MYO5B: variants seen among roughly 807,000 people sequenced by gnomAD.
MYO5B encodes unconventional myosin-Vb.
A neutral mutation model predicts 229.3 loss-of-function variants in MYO5B; 143 were observed. That is an observed-to-expected ratio of 0.62 (90% CI 0.54 to 0.72). MYO5B has a LOEUF of 0.72. Ranked by LOEUF, MYO5B falls within the 30% of genes least tolerant of loss-of-function variation. The probability of loss-of-function intolerance (pLI) is 0.00; values close to 1 mark genes in which losing one functional copy is unlikely to be tolerated. For missense variants in MYO5B, 2,321 were observed against 2,331.0 expected (o/e 1.00, Z 0.09); for synonymous variants, 918 against 885.2 (o/e 1.04, Z -0.66).
rs532898672 is a variant in MYO5B, at chr18:50,095,766, C to G, written c.28-40388G>C. ...AATGACTACAGTGCAGGGAGCCTCACTCATGAACACATCCACCAGAACTTA... is the reference window on the plus strand; with the variant it reads ...AATGACTACAGTGCAGGGAGCCTCAGTCATGAACACATCCACCAGAACTTA... On this transcript the variant is annotated intron_variant, in intron 1 of 39. Transcript: ENST00000285039. Among the ~76,000 whole-genome samples, 13 of 152,374 alleles carry G rather than the reference C, an allele frequency of 8.5e-5. No individual in the cohort carries two copies. The South Asian group carries it at 2.7e-3, about 32-fold the overall frequency.
intron 1 of MYO5B, among the ~76,000 whole-genome samples, chr18:50,118,244 T>C (rs550140104): frequency 2.0e-4 from 31 of 152,172 alleles, no homozygotes; most frequent in Non-Finnish European, 3.7e-4. Flanking sequence ...CAAACTAGGA[T>C]GGTTGGTCAC....
chr18:49,891,165 C>A (rs1271110512), intron 22 of MYO5B, among the ~76,000 whole-genome samples: 1 of 152,152 alleles, frequency 6.6e-6, no homozygotes, highest in African/African-American at 2.4e-5. Context: ...GTCCTCACAC[C>A]CACCCAGCCT....
intron 2 of MYO5B, among the ~76,000 whole-genome samples, chr18:50,053,339 G>A (rs1325409742): frequency 6.6e-6 from 1 of 152,212 alleles, no homozygotes; most frequent in Middle Eastern, 3.2e-3. Flanking sequence ...AGTTAGTCAT[G>A]CAGGGCCAAA....
chr18:49,880,414 A>G lies in MYO5B; in HGVS notation c.3087T>C (p.Asp1029=), dbSNP rs1391700722. 2 of 1,613,986 alleles carry G rather than the reference A, an allele frequency of 1.2e-6. No homozygotes were observed. Among genetic ancestry groups the G allele is most frequent in the Admixed American group, 3.3e-5 (2 of 60,000 alleles). The change falls in exon 23 of 40, where the codon GAT becomes GAC. Residue 1029 remains aspartate, a synonymous_variant. Transcript: ENST00000285039. ...DLEQENALLK[D]EKEQLNNQIL... The stretch of plus-strand genomic sequence containing the variant: ...TTTGGTTGTTGAGCTGTTCTTTCTC[A>G]TCTTTCAAGAGAGCATTTTCTTGCT...
Position 49,951,922 on chromosome 18 carries a change from C to T in MYO5B, c.1752+1338G>A, listed in dbSNP as rs569082169. On this transcript the variant is annotated intron_variant, in intron 14 of 39. Coordinates refer to ENST00000285039, the MANE Select transcript of MYO5B (RefSeq NM_001080467.3). ...AAAATGGAAAAAGTCACATTAACCA[C>T]CACAGACTGGAGATCTAAAAACTTA... 6.6e-5 allele frequency among the ~76,000 whole-genome samples: 10 copies of T among 152,332 alleles called. No homozygotes were observed. In the East Asian group the frequency reaches 1.9e-3, roughly 29 times the overall value.
At chr18:49,832,940 G>C (rs573385671) in intron 39 of MYO5B, among the ~76,000 whole-genome samples, 1 of 152,040 alleles carries the variant, frequency 6.6e-6, no homozygotes, top group Non-Finnish European at 1.5e-5. Context: ...GGTTTGCTGC[G>C]TTTATTATCA....
rs143235431 is a variant in MYO5B at position 50,151,270 on chromosome 18, A to G, written c.27+43497T>C. ...AGCTAGTCTGAAATTCCAAGGATAA[A>G]GAATTTCCATCATACTATAGCCCAC... On this transcript the variant is annotated intron_variant, in intron 1 of 39. Transcript: ENST00000285039. Among the ~76,000 whole-genome samples the G allele has an allele frequency of 6.1e-3, 930 of 152,332 alleles. 4 individuals are homozygous for G. Among genetic ancestry groups the G allele is most frequent in the African/African-American group, 0.019 (774 of 41,574 alleles).
At chr18:50,160,562 G>A (rs1397437095) in intron 1 of MYO5B, among the ~76,000 whole-genome samples, 1 of 152,182 alleles carries the variant, frequency 6.6e-6, no homozygotes, top group African/African-American at 2.4e-5. Context: ...CTGGGGACAA[G>A]CCACAGAGCT....
chr18:50,014,532 G>A (rs900010751), intron 4 of MYO5B, among the ~76,000 whole-genome samples: 1 of 152,146 alleles, frequency 6.6e-6, no homozygotes, highest in African/African-American at 2.4e-5. Flanking sequence ...GATACAGCCT[G>A]CAATTTGGTG....
At chr18:50,166,276 C>T (rs886772480) in intron 1 of MYO5B, among the ~76,000 whole-genome samples, 1 of 152,230 alleles carries the variant, frequency 6.6e-6, no homozygotes, top group African/African-American at 2.4e-5. Flanking sequence ...TCATCCTAAC[C>T]TTGTCCCCAG....
At chr18:50,185,841 G>C (rs1047287902) in intron 1 of MYO5B, among the ~76,000 whole-genome samples, 1 of 122,378 alleles carries the variant, frequency 8.2e-6, no homozygotes, top group Non-Finnish European at 1.8e-5. Context: ...ATTAAAAATG[G>C]CAAAATTGCC....
intron 4 of MYO5B, among the ~76,000 whole-genome samples, chr18:50,009,126 A>C (rs897648651): frequency 3.3e-5 from 5 of 152,134 alleles, no homozygotes; most frequent in Non-Finnish European, 7.4e-5. Flanking sequence ...GTCTGTAATC[A>C]CAGCACCTTG....
chr18:50,156,297 G>C lies in MYO5B; in HGVS notation c.27+38470C>G, dbSNP rs1011949022. On this transcript the variant is annotated intron_variant, in intron 1 of 39. Transcript: ENST00000285039. ...GCTAAGACCCTGATATGGTTTGGCT[G>C]TGTCCCCACCCAAATCTCATCTTGA... is the stretch of plus-strand genomic sequence containing the variant. Among the ~76,000 whole-genome samples, 7 of 152,354 alleles carry C rather than the reference G, an allele frequency of 4.6e-5. 1 individual carries two copies. The South Asian group carries it at 1.5e-3, about 32-fold the overall frequency.
At chr18:50,091,527 G>A (rs1254407792) in intron 1 of MYO5B, among the ~76,000 whole-genome samples, 1 of 152,156 alleles carries the variant, frequency 6.6e-6, no homozygotes, top group East Asian at 1.9e-4. Flanking sequence ...TATGGGGTAG[G>A]TATACTCAGA....
intron 1 of MYO5B, among the ~76,000 whole-genome samples, chr18:50,070,366 C>T (rs909628758): frequency 6.6e-6 from 1 of 152,076 alleles, no homozygotes; most frequent in Non-Finnish European, 1.5e-5. Context: ...AATTTGTTCC[C>T]ACTCCAACTG....
At chr18:50,134,294 G>A (rs7237221) in intron 1 of MYO5B, among the ~76,000 whole-genome samples, 4,513 of 151,878 alleles carry the variant, frequency 0.03, 218 homozygotes, top group African/African-American at 0.1. Context: ...GGTGGCTCAC[G>A]CCTGTAATCC....
intron 9 of MYO5B, among the ~76,000 whole-genome samples, chr18:49,979,478 G>T (rs2025791342): frequency 6.6e-6 from 1 of 152,174 alleles, no homozygotes; most frequent in South Asian, 2.1e-4. Context: ...TACAGTTCAG[G>T]TCTTCCTCTC....
At chr18:50,087,194 C>G (rs558812496) in intron 1 of MYO5B, among the ~76,000 whole-genome samples, 14 of 152,288 alleles carry the variant, frequency 9.2e-5, no homozygotes, top group African/African-American at 3.1e-4. Flanking sequence ...CGATGTTTGC[C>G]AAGTGTCTCT....
At chr18:50,089,148 G>A (rs2031393295) in intron 1 of MYO5B, among the ~76,000 whole-genome samples, 1 of 152,126 alleles carries the variant, frequency 6.6e-6, no homozygotes, top group Admixed American at 6.5e-5. Flanking sequence ...GGGAGACCAA[G>A]GTGGACAGAT....
Sources: allele counts gnomAD v4.1 joint callset (sites outside exome capture counted in the v4.1 genomes callset), GRCh38; gene constraint gnomAD v4.1.1; transcripts MANE v1.5; gene names NCBI Gene and HGNC (gene_info 2026-07-23, HGNC 2026-07-21).